Variants in TNR observed in about 807,000 individuals in gnomAD.
TNR encodes tenascin-R.
Under a neutral mutation model 150.4 loss-of-function variants are expected in TNR, and 45 were observed. That is an observed-to-expected ratio of 0.30 (90% CI 0.24 to 0.38). TNR has a LOEUF of 0.38. Among genes scored for constraint, TNR ranks in the 10% least tolerant of loss-of-function variants. The pLI is 1.00. For missense variants in TNR, 1,544 were observed against 1,759.1 expected (o/e 0.88, Z 2.19); for synonymous variants, 687 against 678.4 (o/e 1.01, Z -0.20).
chr1:175,657,686 C>T (rs1180295305), intron 1 of TNR, among the ~76,000 whole-genome samples: 4 of 142,536 alleles, frequency 2.8e-5, no homozygotes, highest in South Asian at 2.3e-4. Context: ...AACCAAACAC[C>T]GCATGTTCTC....
At chr1:175,442,986 T>C (rs949424432) in intron 2 of TNR, among the ~76,000 whole-genome samples, 1 of 148,920 alleles carries the variant, frequency 6.7e-6, no homozygotes, top group African/African-American at 2.6e-5. Flanking sequence ...AAATGGGTTG[T>C]AAAGATAGTA....
At chr1:175,538,241 G>C (rs1660370775) in intron 1 of TNR, among the ~76,000 whole-genome samples, 1 of 152,178 alleles carries the variant, frequency 6.6e-6, no homozygotes, top group Non-Finnish European at 1.5e-5. Flanking sequence ...TCAAAGCAGA[G>C]AGTGGCCAGC....
chr1:175,387,793 G>A (rs968901154), intron 7 of TNR, among the ~76,000 whole-genome samples: 6 of 152,172 alleles, frequency 3.9e-5, no homozygotes, highest in African/African-American at 1.4e-4. Context: ...CTCCCTCAGG[G>A]CCGTCTTAGG....
rs1650219934 is a variant in TNR, at chr1:175,335,824, A to G, written c.3535-17T>C. ...CTGGAATACCTATGAAGGAAATAAA[A>G]AAACAAAAAACAAACAAACAAAAAA... On this transcript the variant is annotated splice_polypyrimidine_tract_variant and intron_variant, in intron 19 of 22. Transcript: ENST00000367674. 6.3e-7 allele frequency: 1 copy of G among 1,597,504 alleles called. No individual in the cohort carries two copies. The highest frequency in any genetic ancestry group is 8.5e-7 in the Non-Finnish European group (1 of 1,173,560).
chr1:175,690,486 C>T (rs1046603999), intron 1 of TNR, among the ~76,000 whole-genome samples: 2 of 152,190 alleles, frequency 1.3e-5, no homozygotes, highest in Non-Finnish European at 2.9e-5. Flanking sequence ...GGGCATTCCA[C>T]ATGACTCTCA....
chr1:175,362,136 G>T (rs1461068952), intron 14 of TNR, among the ~76,000 whole-genome samples: 2 of 152,194 alleles, frequency 1.3e-5, no homozygotes, highest in Non-Finnish European at 2.9e-5. Context: ...TGCACACGGA[G>T]CCACATCACC....
intron 1 of TNR, among the ~76,000 whole-genome samples, chr1:175,697,055 A>C (rs1201263423): frequency 6.7e-6 from 1 of 148,954 alleles, no homozygotes; most frequent in African/African-American, 2.5e-5. Flanking sequence ...AAAAAAAAAA[A>C]CCAGAAACCT....
chr1:175,677,709 C>T (rs764054604), intron 1 of TNR, among the ~76,000 whole-genome samples: 9 of 152,094 alleles, frequency 5.9e-5, no homozygotes, highest in South Asian at 2.1e-4. Flanking sequence ...AGAACAAAGC[C>T]GTGTTTACCA....
chr1:175,496,811 T>C (rs908312631), intron 2 of TNR, among the ~76,000 whole-genome samples: 1 of 152,240 alleles, frequency 6.6e-6, no homozygotes. Flanking sequence ...TAGATGCCAC[T>C]GTAAACATTT....
rs1436190876 is a variant in TNR at position 175,406,658 on chromosome 1, C to A, written c.57G>T (p.Leu19=). Residue 19 remains leucine (L), a synonymous_variant, in exon 3 of 23, where the codon CTG becomes CTT. Coordinates refer to ENST00000367674, the MANE Select transcript of TNR (RefSeq NM_003285.3). ...GCTTGATCATGGAGCCCAGAAGGAT[C>A]AGGTTGATGCCAATGAGCATGTTCT... The part of the protein sequence containing the change: ...VLKNMLIGIN[L]ILLGSMIKPS... The A allele has an allele frequency of 6.2e-7, 1 of 1,614,096 alleles. No homozygotes were observed. Among genetic ancestry groups the A allele is most frequent in the Non-Finnish European group, 8.5e-7 (1 of 1,180,044 alleles).
chr1:175,453,785 C>G (rs976091713), intron 2 of TNR, among the ~76,000 whole-genome samples: 2 of 152,158 alleles, frequency 1.3e-5, no homozygotes, highest in Non-Finnish European at 2.9e-5. Flanking sequence ...GTTGTCCAGT[C>G]TGGTCTCGAA....
chr1:175,413,392 A>G (rs1271727482), intron 2 of TNR, among the ~76,000 whole-genome samples: 1 of 152,206 alleles, frequency 6.6e-6, no homozygotes, highest in Non-Finnish European at 1.5e-5. Flanking sequence ...GGCGTGGCCT[A>G]ATGCTGTGGC....
At chr1:175,388,648 G>C (rs887998875) in intron 7 of TNR, among the ~76,000 whole-genome samples, 6 of 152,310 alleles carry the variant, frequency 3.9e-5, no homozygotes, top group African/African-American at 1.4e-4. Context: ...CAATCAAGGA[G>C]GTATCAACTT....
rs570200883 is a variant in TNR at position 175,479,601 on chromosome 1, G to A, written c.-64+48668C>T. Among the ~76,000 whole-genome samples, 9 of 152,240 alleles carry A rather than the reference G, an allele frequency of 5.9e-5. No homozygotes were observed. In the East Asian group the frequency reaches 7.7e-4, roughly 13 times the overall value. ...TGCCTAGGTCTCCTGGCTGAACGTG[G>A]CAGCCAGAGTTCTGAGGTTTATATT... is the stretch of plus-strand genomic sequence containing the variant. On this transcript the variant is annotated intron_variant, in intron 2 of 22. Coordinates refer to ENST00000367674, the MANE Select transcript of TNR (RefSeq NM_003285.3).
chr1:175,685,892 G>A (rs772860568), intron 1 of TNR, among the ~76,000 whole-genome samples: 12 of 150,080 alleles, frequency 8.0e-5, no homozygotes, highest in Non-Finnish European at 7.4e-5. Context: ...TGGTTCTCAT[G>A]TGTTGCTCAG....
chr1:175,701,923 C>T (rs577784384), intron 1 of TNR, among the ~76,000 whole-genome samples: 1 of 152,328 alleles, frequency 6.6e-6, no homozygotes, highest in East Asian at 1.9e-4. Context: ...TCTCCTTTCT[C>T]CAGGTTAGAG....
intron 1 of TNR, among the ~76,000 whole-genome samples, chr1:175,550,347 A>G (rs1372819700): frequency 6.6e-6 from 1 of 152,164 alleles, no homozygotes; most frequent in Non-Finnish European, 1.5e-5. Flanking sequence ...TCACCTCCAC[A>G]GGAGGCAAAT....
chr1:175,393,688 T>C lies in TNR; in HGVS notation c.1356+92A>G, dbSNP rs116233955. 3,324 of 978,208 alleles carry C rather than the reference T, an allele frequency of 3.4e-3. 68 individuals carry two copies. The African/African-American group carries it at 0.046, about 13-fold the overall frequency. 60.6% of individuals were successfully genotyped at this position (978,208 alleles called of 1,614,324 possible). The stretch of plus-strand genomic sequence containing the variant: ...TCTTTAATGGCATGGAGAGAGATAT[T>C]GGGTAGCACTTTCCTTGCTGCCCCT... On this transcript the variant is annotated intron_variant, in intron 6 of 22. Coordinates refer to ENST00000367674, the MANE Select transcript of TNR (RefSeq NM_003285.3).
At chr1:175,630,420 A>T (rs1284249420) in intron 1 of TNR, among the ~76,000 whole-genome samples, 1 of 152,228 alleles carries the variant, frequency 6.6e-6, no homozygotes, top group African/African-American at 2.4e-5. Context: ...CAGTTATTTG[A>T]TAATGATAAC....
Sources: gnomAD v4.1 joint callset for allele counts (sites outside exome capture counted in the v4.1 genomes callset) on GRCh38, gnomAD v4.1.1 for gene constraint, MANE v1.5 for transcripts, NCBI Gene and HGNC (gene_info 2026-07-23, HGNC 2026-07-21) for gene names.